AFF3: variants seen among roughly 807,000 people sequenced by gnomAD.
The protein encoded by AFF3 is AF4/FMR2 family member 3.
A neutral mutation model predicts 129.7 loss-of-function variants in AFF3; 32 were observed. The ratio of observed to expected loss-of-function variants is 0.25; its 90% CI spans 0.19 to 0.33. The LOEUF (loss-of-function observed/expected upper bound fraction) is 0.33. Among genes scored for constraint, AFF3 ranks in the 10% least tolerant of loss-of-function variants. The pLI is 1.00. For missense variants in AFF3, 1,373 were observed against 1,592.0 expected, an observed-to-expected ratio of 0.86 and a Z score of 2.34; for synonymous variants, 644 against 635.4, an observed-to-expected ratio of 1.01 and a Z score of -0.20.
intron 17 of AFF3, among the ~76,000 whole-genome samples, chr2:99,581,487 C>G (rs1383439501): frequency 1.3e-5 from 2 of 151,944 alleles, no homozygotes; most frequent in Admixed American, 1.3e-4. Flanking sequence ...TGCTCCCTCC[C>G]TCATCTTTCT....
intron 1 of AFF3, among the ~76,000 whole-genome samples, chr2:100,142,221 C>T (rs1692918161): frequency 6.6e-6 from 1 of 152,140 alleles, no homozygotes; most frequent in Non-Finnish European, 1.5e-5. Context: ...CACACACACA[C>T]ACACACATGC....
chr2:99,963,440 CA>C (rs1268447789), intron 7 of AFF3, among the ~76,000 whole-genome samples: 1 of 151,996 alleles, frequency 6.6e-6, no homozygotes, highest in African/African-American at 2.4e-5. Context: ...ATACTTAAGA[CA>C]ATTACATTTA....
chr2:99,859,634 T>C (rs896816613), intron 7 of AFF3, among the ~76,000 whole-genome samples: 1 of 152,248 alleles, frequency 6.6e-6, no homozygotes, highest in African/African-American at 2.4e-5. Flanking sequence ...TCATTTTCTG[T>C]CTACTTCAAC....
chr2:99,596,805 G>A (rs552044850), intron 14 of AFF3, among the ~76,000 whole-genome samples: 1 of 152,162 alleles, frequency 6.6e-6, no homozygotes, highest in Non-Finnish European at 1.5e-5. Flanking sequence ...CCACTGCCTG[G>A]TATGCTTTAG....
At chr2:99,926,638 T>C (rs918576051) in intron 7 of AFF3, among the ~76,000 whole-genome samples, 2 of 152,158 alleles carry the variant, frequency 1.3e-5, no homozygotes, top group Non-Finnish European at 2.9e-5. Flanking sequence ...ATGAGTCTAA[T>C]GGTTCTGTGG....
At chr2:99,652,052 G>A (rs529763878) in intron 12 of AFF3, among the ~76,000 whole-genome samples, 53 of 152,216 alleles carry the variant, frequency 3.5e-4, no homozygotes, top group East Asian at 2.9e-3. Flanking sequence ...AGGGATGGGC[G>A]GCCACTCCTC....
chr2:99,795,890 G>C (rs1041712897), intron 8 of AFF3, among the ~76,000 whole-genome samples: 3 of 151,956 alleles, frequency 2.0e-5, no homozygotes, highest in Non-Finnish European at 4.4e-5. Context: ...TTCTAGACTA[G>C]GTTTTTGAGA....
chr2:99,815,147 A>AT (rs1687122467), intron 8 of AFF3, among the ~76,000 whole-genome samples: 1 of 151,198 alleles, frequency 6.6e-6, no homozygotes. Flanking sequence ...GTAGCCCACA[A>AT]AAAAGGTCTA....
rs185693484 is a variant in AFF3 at position 99,888,660 on chromosome 2, C to T, written c.874-51136G>A. On this transcript the variant is annotated intron_variant, in intron 7 of 24. Transcript: ENST00000672756. ...GTGACTTTAAGAACTCTTTCTTTTA[C>T]GTAATCAATCACTTGTCCTAAAAAG... Among the ~76,000 whole-genome samples the T allele has an allele frequency of 1.7e-4, 26 of 152,086 alleles. No homozygotes were observed. The East Asian group carries it at 1.9e-3, about 11-fold the overall frequency.
At chr2:99,763,027 T>A (rs1352152119) in intron 8 of AFF3, among the ~76,000 whole-genome samples, 3 of 152,264 alleles carry the variant, frequency 2.0e-5, no homozygotes, top group African/African-American at 7.2e-5. Context: ...TGCTGGCAGC[T>A]AATGCCACTG....
At chr2:99,633,910 T>C (rs992410601) in intron 13 of AFF3, among the ~76,000 whole-genome samples, 143 of 97,186 alleles carry the variant, frequency 1.5e-3, no homozygotes, top group Non-Finnish European at 2.2e-3. Flanking sequence ...TCTTCCTTCC[T>C]TTTTTTTTTT....
At chr2:99,781,495 C>A (rs1684404423) in intron 8 of AFF3, among the ~76,000 whole-genome samples, 1 of 152,222 alleles carries the variant, frequency 6.6e-6, no homozygotes, top group African/African-American at 2.4e-5. Flanking sequence ...CCAGGCCAAA[C>A]TGGCCTGCCA....
chr2:100,100,528 T>C (rs1690648629), intron 4 of AFF3, among the ~76,000 whole-genome samples: 1 of 152,212 alleles, frequency 6.6e-6, no homozygotes, highest in African/African-American at 2.4e-5. Context: ...TAACTCAATT[T>C]TTCCTCTTTC....
chr2:99,805,870 C>T (rs572489480), intron 8 of AFF3, among the ~76,000 whole-genome samples: 5 of 148,892 alleles, frequency 3.4e-5, no homozygotes, highest in Admixed American at 1.3e-4. Flanking sequence ...AACATTTGCC[C>T]GCTCTTTTCA....
Position 99,558,865 on chromosome 2 carries a change from TAG to T in AFF3, c.3285+8_3285+9del. The stretch of plus-strand genomic sequence containing the variant: ...TTAAGGAACAATTCTGCTCATTCAC[TAG>T]ACAGTACCTTGAAATAGTCGATTAG... On this transcript the variant is annotated splice_region_variant and intron_variant, in intron 22 of 24. Transcript: ENST00000672756. 1 of 1,612,108 alleles carries T rather than the reference TAG, an allele frequency of 6.2e-7. No homozygotes were observed. Among genetic ancestry groups the T allele is most frequent in the Non-Finnish European group, 8.5e-7 (1 of 1,178,466 alleles).
Position 99,550,634 on chromosome 2 carries a change from G to A in AFF3, c.*840C>T, listed in dbSNP as rs942563319. On this transcript the variant is annotated 3_prime_UTR_variant, in exon 25 of 25. Transcript: ENST00000672756. ...GTGGCTGGTGGGCTTGTTATCACAG[G>A]TGCAGAAAACTTCAACTCCTAACTG... 1.3e-5 allele frequency: 3 copies of A among 232,658 alleles called. No individual in the cohort carries two copies. Among genetic ancestry groups the A allele is most frequent in the African/African-American group, 6.6e-5 (3 of 45,292 alleles). The allele number at this position is 232,658 out of a possible 1,614,324, so 14.4% of individuals were successfully genotyped here. A position where few individuals can be genotyped will look rare whatever the true frequency, so the allele number is the denominator to read the frequency against.
chr2:99,594,033 T>A lies in AFF3; in HGVS notation c.1628A>T (p.Lys543Ile), dbSNP rs778513890. Residue 543 changes from lysine to isoleucine, a missense_variant, in exon 15 of 25, where the codon AAA (lysine) becomes ATA (isoleucine). By Grantham distance (102) the Lys-to-Ile change is moderately radical. Coordinates refer to ENST00000672756, the MANE Select transcript of AFF3 (RefSeq NM_001386135.1). ...PRTANKAPGS[K>I]GVKQKSPPAA... is the part of the protein sequence containing the mutation. Reference sequence around the variant, plus strand: ...GGGCGGGGACTTCTGCTTCACGCCTTTACTCCCAGGGGCCTTGTTGGCTGT... The same window carrying A: ...GGGCGGGGACTTCTGCTTCACGCCTATACTCCCAGGGGCCTTGTTGGCTGT... 1.6e-5 allele frequency: 25 copies of A among 1,605,642 alleles called. No individual in the cohort carries two copies. Among genetic ancestry groups the A allele is most frequent in the Non-Finnish European group, 2.1e-5 (25 of 1,175,180 alleles).
intron 12 of AFF3, among the ~76,000 whole-genome samples, chr2:99,663,930 C>T (rs1304653801): frequency 1.3e-5 from 2 of 152,198 alleles, no homozygotes; most frequent in African/African-American, 2.4e-5. Flanking sequence ...GTAATGCCAT[C>T]TACTTATTTG....
intron 18 of AFF3, among the ~76,000 whole-genome samples, chr2:99,575,110 C>G (rs909670275): frequency 5.9e-5 from 9 of 152,162 alleles, no homozygotes; most frequent in African/African-American, 2.2e-4. Context: ...TACTTCAGCT[C>G]TTGTGCCTGT....
Sources: gnomAD v4.1 joint callset for allele counts (sites outside exome capture counted in the v4.1 genomes callset) on GRCh38, gnomAD v4.1.1 for gene constraint, MANE v1.5 for transcripts, NCBI Gene and HGNC (gene_info 2026-07-23, HGNC 2026-07-21) for gene names.